Variants in CDYL observed in about 807,000 individuals in gnomAD.
CDYL encodes the protein chromodomain Y-like protein.
In CDYL, 8 loss-of-function variants were observed where a neutral mutation model predicts 47.3. That is an observed-to-expected ratio of 0.17 (90% CI 0.10 to 0.31). The LOEUF is 0.31. Ranked by LOEUF, CDYL falls within the 10% of genes least tolerant of loss-of-function variation. CDYL has a pLI of 1.00. For synonymous variants in CDYL, 266 were observed against 265.0 expected, an observed-to-expected ratio of 1.00 and a Z score of -0.04; for missense variants, 471 against 701.4, an observed-to-expected ratio of 0.67 and a Z score of 3.71.
intron 1 of CDYL, among the ~76,000 whole-genome samples, chr6:4,790,930 A>T (rs907971358): frequency 1.1e-4 from 16 of 152,254 alleles, no homozygotes; most frequent in African/African-American, 3.9e-4. Flanking sequence ...AAGTAGGCTA[A>T]CTGAAAATTT....
chr6:4,817,965 A>G (rs1410670573), intron 1 of CDYL, among the ~76,000 whole-genome samples: 2 of 152,202 alleles, frequency 1.3e-5, no homozygotes, highest in Admixed American at 6.5e-5. Flanking sequence ...TACATTTAAT[A>G]TGGAAAAGAG....
chr6:4,914,550 A>C (rs1259211199), intron 2 of CDYL, among the ~76,000 whole-genome samples: 1 of 152,158 alleles, frequency 6.6e-6, no homozygotes, highest in African/African-American at 2.4e-5. Context: ...CTTTCCTCAG[A>C]TTGCAGGCTG....
chr6:4,853,522 C>A (rs1035197355), intron 1 of CDYL, among the ~76,000 whole-genome samples: 5 of 152,032 alleles, frequency 3.3e-5, no homozygotes. Flanking sequence ...TCCTCCCTTC[C>A]TCTCCCATTT....
intron 1 of CDYL, among the ~76,000 whole-genome samples, chr6:4,850,245 C>T (rs187605062): frequency 6.6e-6 from 1 of 152,202 alleles, no homozygotes; most frequent in African/African-American, 2.4e-5. Flanking sequence ...CTGCTAGGCA[C>T]GAGGGATATA....
At position 4,776,679 on chromosome 6, in the gene CDYL, A is replaced by G; in HGVS notation, c.-105A>G. ...CCAGCGCCCGGCCGGCCGCGGGAGC[A>G]GGAAGCGCAGGCCACGCAGGACCCA... On this transcript the variant is annotated 5_prime_UTR_variant, in exon 1 of 7. Transcript: ENST00000397588. 1 of 1,038,180 alleles carries G rather than the reference A, an allele frequency of 9.6e-7. No homozygotes were observed. The highest frequency in any genetic ancestry group is 1.7e-5 in the South Asian group (1 of 58,854). 64.3% of individuals were successfully genotyped at this position (1,038,180 alleles called of 1,614,324 possible). A position where few individuals can be genotyped will look rare whatever the true frequency, so the allele number is the denominator to read the frequency against.
chr6:4,790,758 C>T (rs1758895966), intron 1 of CDYL, among the ~76,000 whole-genome samples: 1 of 152,146 alleles, frequency 6.6e-6, no homozygotes, highest in Non-Finnish European at 1.5e-5. Flanking sequence ...AATGAATAAG[C>T]TTTGTACGAG....
intron 2 of CDYL, among the ~76,000 whole-genome samples, chr6:4,904,981 G>A (rs1482777765): frequency 9.9e-5 from 15 of 152,122 alleles, no homozygotes; most frequent in Admixed American, 5.9e-4. Flanking sequence ...GTGATCGGCC[G>A]TCCCTATGTG....
intron 3 of CDYL, among the ~76,000 whole-genome samples, chr6:4,735,475 C>G (rs1047017445): frequency 1.3e-5 from 2 of 151,740 alleles, no homozygotes; most frequent in African/African-American, 4.8e-5. Flanking sequence ...AAAGCTGTAC[C>G]TATTCAGGCC....
intron 3 of CDYL, among the ~76,000 whole-genome samples, chr6:4,739,557 C>A (rs1465854350): frequency 6.6e-6 from 1 of 150,850 alleles, no homozygotes; most frequent in East Asian, 2.0e-4. Flanking sequence ...AAAAAAATGC[C>A]ACGGATAGTT....
intron 1 of CDYL, among the ~76,000 whole-genome samples, chr6:4,853,874 C>T (rs758393296): frequency 5.3e-5 from 8 of 152,340 alleles, no homozygotes; most frequent in Admixed American, 2.0e-4. Context: ...TAGCTGGCCT[C>T]GTGTGCTCCC....
chr6:4,864,579 A>AT (rs1305512403), intron 1 of CDYL, among the ~76,000 whole-genome samples: 1 of 151,936 alleles, frequency 6.6e-6, no homozygotes, highest in Non-Finnish European at 1.5e-5. Flanking sequence ...ACGTGTTGTG[A>AT]TAGGGACCCA....
intron 2 of CDYL, among the ~76,000 whole-genome samples, chr6:4,908,648 C>T (rs570269051): frequency 8.9e-4 from 135 of 152,304 alleles, no homozygotes; most frequent in African/African-American, 3.2e-3. Context: ...CAAGATCATA[C>T]GTCACCTCTG....
At chr6:4,715,971 G>T (rs187875308) in intron 2 of CDYL, 8 of 1,519,240 alleles carry the variant, frequency 5.3e-6, no homozygotes, top group Non-Finnish European at 7.1e-6. Flanking sequence ...TTTACTGGCC[G>T]GGCACGGTGG....
chr6:4,865,682 ATAATTT>A (rs1259042128), intron 1 of CDYL, among the ~76,000 whole-genome samples: 5 of 152,260 alleles, frequency 3.3e-5, no homozygotes, highest in Admixed American at 3.3e-4. Context: ...TGGATAAAAC[ATAATTT>A]TAAGGAGGAA....
At chr6:4,868,808 A>G (rs1237206789) in intron 1 of CDYL, among the ~76,000 whole-genome samples, 1 of 152,242 alleles carries the variant, frequency 6.6e-6, no homozygotes, top group Non-Finnish European at 1.5e-5. Flanking sequence ...TCATACATAC[A>G]CACATTCATA....
chr6:4,781,960 G>T (rs1283630550), intron 1 of CDYL, among the ~76,000 whole-genome samples: 1 of 150,368 alleles, frequency 6.7e-6, no homozygotes, highest in Non-Finnish European at 1.5e-5. Flanking sequence ...ATGGAGACAG[G>T]AATCTTATGT....
At chr6:4,907,354 G>T (rs1056866222) in intron 2 of CDYL, among the ~76,000 whole-genome samples, 1 of 152,164 alleles carries the variant, frequency 6.6e-6, no homozygotes, top group Non-Finnish European at 1.5e-5. Context: ...GTGGGTTTTT[G>T]TGTGTTTTCT....
intron 3 of CDYL, among the ~76,000 whole-genome samples, chr6:4,764,683 CAATTTTAA>C (rs1199342814): frequency 6.6e-6 from 1 of 152,190 alleles, no homozygotes; most frequent in Non-Finnish European, 1.5e-5. Flanking sequence ...TAGATTATAA[CAATTTTAA>C]ACTTGTATGT....
intron 1 of CDYL, among the ~76,000 whole-genome samples, chr6:4,825,457 T>C (rs1002335925): frequency 2.0e-5 from 3 of 152,178 alleles, no homozygotes; most frequent in Non-Finnish European, 2.9e-5. Flanking sequence ...CACTTCACAA[T>C]TGAGTGTATT....
Sources: allele counts gnomAD v4.1 joint callset (sites outside exome capture counted in the v4.1 genomes callset), GRCh38; gene constraint gnomAD v4.1.1; transcripts MANE v1.5; gene names NCBI Gene and HGNC (gene_info 2026-07-23, HGNC 2026-07-21).